WDR5: variants seen among roughly 807,000 people sequenced by gnomAD.
The protein encoded by WDR5 is WD repeat domain 5.
For missense variants in WDR5, 187 were observed against 416.9 expected (o/e 0.45, Z 4.80); for synonymous variants, 144 against 161.6 (o/e 0.89, Z 0.83).
In WDR5 at chr9:134,141,931, C is replaced by T. The variant is rs779210702; in HGVS notation, c.265-18C>T. ...ATTTTGTCCTGTCAAGTTACTGACC[C>T]TGTTTTTTCTCCCCAAGGGAATATC... is the stretch of plus-strand genomic sequence containing the variant. On this transcript the variant is annotated intron_variant, in intron 4 of 13. Coordinates refer to ENST00000358625, the MANE Select transcript of WDR5 (RefSeq NM_017588.3). The T allele has an allele frequency of 6.2e-7, 1 of 1,612,694 alleles. No homozygotes were observed. Among genetic ancestry groups the T allele is most frequent in the East Asian group, 2.2e-5 (1 of 44,866 alleles).
intron 7 of WDR5, among the ~76,000 whole-genome samples, chr9:134,144,773 G>C (rs1247685560): frequency 6.6e-6 from 1 of 152,054 alleles, no homozygotes; most frequent in Non-Finnish European, 1.5e-5. Context: ...GGAGTTTGAG[G>C]CTGCAGTGAG....
At chr9:134,139,311 T>C (rs949022653) in intron 1 of WDR5, among the ~76,000 whole-genome samples, 1 of 152,204 alleles carries the variant, frequency 6.6e-6, no homozygotes, top group Admixed American at 6.5e-5. Context: ...CCATGAGGCG[T>C]AGACCACTGG....
At chr9:134,152,132 G>T in intron 9 of WDR5, 103 bp downstream of exon 9, 2 of 1,379,294 alleles carry the variant, frequency 1.5e-6, no homozygotes, top group South Asian at 2.6e-5. Flanking sequence ...CTCTGCCCTG[G>T]GTCCGCCCCT....
At chr9:134,148,215 ATC>A in intron 7 of WDR5, 71 bp from the exon 8 acceptor site, 1 of 360,320 alleles carries the variant, frequency 2.8e-6, no homozygotes, top group East Asian at 5.7e-5. Context: ...TTTTTTTGAG[ATC>A]AGGTAAGAAG....
intron 7 of WDR5, among the ~76,000 whole-genome samples, chr9:134,147,839 G>A (rs1012275961): frequency 6.6e-6 from 1 of 151,790 alleles, no homozygotes; most frequent in African/African-American, 2.4e-5. Context: ...GGGCAAGATA[G>A]GGAGACCCTG....
At chr9:134,144,817 C>A (rs1203390353) in intron 7 of WDR5, among the ~76,000 whole-genome samples, 1 of 151,982 alleles carries the variant, frequency 6.6e-6, no homozygotes, top group Non-Finnish European at 1.5e-5. Context: ...GCCTGGGTGA[C>A]AGAGTGAGAC....
chr9:134,148,164 A>T lies in WDR5; in HGVS notation c.529-124A>T, dbSNP rs1312823478. ...AGCGAGACTCTTTCTGAAAACAAAC[A>T]AACAAAAAAACATAACTCAGTCTTT... is the stretch of plus-strand genomic sequence containing the variant. On this transcript the variant is annotated intron_variant, in intron 7 of 13. Coordinates refer to ENST00000358625, the MANE Select transcript of WDR5 (RefSeq NM_017588.3). 3 of 833,438 alleles carry T rather than the reference A, an allele frequency of 3.6e-6. No individual in the cohort carries two copies. The East Asian group carries it at 8.6e-5, about 24-fold the overall frequency. 51.6% of individuals were successfully genotyped at this position (833,438 alleles called of 1,614,324 possible). A position where few individuals can be genotyped will look rare whatever the true frequency, so the allele number is the denominator to read the frequency against.
In WDR5 at chr9:134,143,285, A is replaced by G. The variant is rs1831993623; in HGVS notation, c.528+566A>G. Among the ~76,000 whole-genome samples, 6 of 152,328 alleles carry G rather than the reference A, an allele frequency of 3.9e-5. No individual in the cohort carries two copies. The South Asian group carries it at 1.2e-3, about 32-fold the overall frequency. ...GCCGGGCGTGGCGGCTCACGCCTGC[A>G]ATCCCAGCACTTTGGGAGGCCGAGG... On this transcript the variant is annotated intron_variant, in intron 7 of 13. Coordinates refer to ENST00000358625, the MANE Select transcript of WDR5 (RefSeq NM_017588.3).
At chr9:134,136,253 G>T (rs1182504604) in intron 1 of WDR5, 53 bp downstream of exon 1, 2 of 148,700 alleles carry the variant, frequency 1.3e-5, no homozygotes, top group Admixed American at 6.7e-5. Flanking sequence ...GCGGGGCGGC[G>T]CCAGAAGCTT....
rs765663941 is a variant in WDR5, at chr9:134,156,636, T to C, written c.904+43T>C. ...TGCAGTCACTGGCTGCCTGTTGATG[T>C]GAGGACAGTTCCTGCAGGTGAAGCG... On this transcript the variant is annotated intron_variant, in intron 13 of 13. Coordinates refer to ENST00000358625, the MANE Select transcript of WDR5 (RefSeq NM_017588.3). 15 of 1,597,124 alleles carry C rather than the reference T, an allele frequency of 9.4e-6. No homozygotes were observed. In the East Asian group the frequency reaches 1.8e-4, roughly 19 times the overall value.
In WDR5 at chr9:134,155,524, A is replaced by G. The variant is rs1050337665; in HGVS notation, c.741+151A>G. 1.9e-5 allele frequency: 24 copies of G among 1,295,896 alleles called. No individual in the cohort carries two copies. The African/African-American group carries it at 3.6e-4, about 19-fold the overall frequency. The allele number at this position is 1,295,896 out of a possible 1,614,324, so 80.3% of individuals were successfully genotyped here. The stretch of plus-strand genomic sequence containing the variant: ...GTGCGAATTCCTGAAAGACCTGGGT[A>G]TTTGTAGGGTGGCAGTCTGCAAGTT... On this transcript the variant is annotated intron_variant, in intron 11 of 13. Coordinates refer to ENST00000358625, the MANE Select transcript of WDR5 (RefSeq NM_017588.3).
chr9:134,143,035 C>T (rs975267896), intron 7 of WDR5, among the ~76,000 whole-genome samples: 2 of 151,438 alleles, frequency 1.3e-5, no homozygotes, highest in Non-Finnish European at 2.9e-5. Context: ...TGAACTGATG[C>T]ACGGGACAGG....
rs117530311 is a variant in WDR5 at position 134,147,526 on chromosome 9, C to A, written c.529-762C>A. ...AGGGGCAGTACCACCCTGTCCCCCC[C>A]GGAAGAGTCTGGTCTAAAATGTCAG... On this transcript the variant is annotated intron_variant, in intron 7 of 13. Coordinates refer to ENST00000358625, the MANE Select transcript of WDR5 (RefSeq NM_017588.3). Among the ~76,000 whole-genome samples, 1,349 of 152,268 alleles carry A rather than the reference C, an allele frequency of 8.9e-3. 12 individuals carry two copies. The highest frequency in any genetic ancestry group is 0.014 in the Non-Finnish European group (973 of 68,024).
intron 7 of WDR5, among the ~76,000 whole-genome samples, chr9:134,145,919 T>G (rs1287303838): frequency 6.7e-6 from 1 of 150,108 alleles, no homozygotes; most frequent in Non-Finnish European, 1.5e-5. Context: ...GCTGATTACC[T>G]TCTCTGTTTC....
intron 3 of WDR5, 76 bp from the exon 4 acceptor site, chr9:134,141,434 A>G (rs1414041339): frequency 6.8e-7 from 1 of 1,470,318 alleles, no homozygotes; most frequent in Non-Finnish European, 9.5e-7. Flanking sequence ...ATGTGGGAAA[A>G]GCTCAGACTT....
chr9:134,153,695 C>T (rs951584854), intron 9 of WDR5, among the ~76,000 whole-genome samples: 5 of 151,534 alleles, frequency 3.3e-5, no homozygotes, highest in African/African-American at 7.3e-5. Flanking sequence ...TGCTGAGGGC[C>T]GTGTCCTTCC....
intron 5 of WDR5, 146 bp from the exon 6 acceptor site, chr9:134,142,187 G>A: frequency 1.0e-6 from 1 of 987,308 alleles, no homozygotes; most frequent in Non-Finnish European, 1.5e-6. Context: ...GGGGTGGGTG[G>A]GGGAGGCCGA....
chr9:134,141,939 T>C lies in WDR5; in HGVS notation c.265-10T>C. 6.2e-7 allele frequency: 1 copy of C among 1,613,806 alleles called. No homozygotes were observed. Among genetic ancestry groups the C allele is most frequent in the Non-Finnish European group, 8.5e-7 (1 of 1,179,834 alleles). On this transcript the variant is annotated splice_polypyrimidine_tract_variant and intron_variant, in intron 4 of 13. Transcript: ENST00000358625. ...CTGTCAAGTTACTGACCCTGTTTTTTCTCCCCAAGGGAATATCCGATGTAG... is the reference window on the plus strand; with the variant it reads ...CTGTCAAGTTACTGACCCTGTTTTTCCTCCCCAAGGGAATATCCGATGTAG...
intron 6 of WDR5, 21 bp from the exon 7 acceptor site, chr9:134,142,615 T>C: frequency 1.9e-6 from 3 of 1,613,824 alleles, no homozygotes; most frequent in Middle Eastern, 1.7e-4. Context: ...GTAAAATCAC[T>C]GTCATCTCTT....
Sources: allele counts gnomAD v4.1 joint callset (sites outside exome capture counted in the v4.1 genomes callset), GRCh38; gene constraint gnomAD v4.1.1; transcripts MANE v1.5; gene names NCBI Gene and HGNC (gene_info 2026-07-23, HGNC 2026-07-21).